COL11A1: variants seen among roughly 807,000 people sequenced by gnomAD.
COL11A1 encodes the protein collagen alpha-1(XI) chain.
Under a neutral mutation model 265.2 loss-of-function variants are expected in COL11A1, and 74 were observed. That is an observed-to-expected ratio of 0.28 (90% CI 0.23 to 0.34). COL11A1 has a LOEUF of 0.34. Among genes scored for constraint, COL11A1 ranks in the 10% least tolerant of loss-of-function variants. COL11A1 has a pLI of 1.00. For missense variants in COL11A1, 2,165 were observed against 2,263.6 expected (o/e 0.96, Z 0.88); for synonymous variants, 816 against 727.6 (o/e 1.12, Z -1.96).
intron 57 of COL11A1, among the ~76,000 whole-genome samples, chr1:102,895,725 G>A (rs1056424074): frequency 9.3e-5 from 14 of 150,442 alleles, no homozygotes; most frequent in African/African-American, 2.2e-4. Flanking sequence ...TTTAATAATC[G>A]TATCATATTT....
intron 64 of COL11A1, 73 bp from the exon 65 acceptor site, chr1:102,881,838 T>A: frequency 9.3e-7 from 1 of 1,075,194 alleles, no homozygotes. Context: ...TATATACATA[T>A]AATTCATTTT....
At chr1:102,940,250 G>T in intron 43 of COL11A1, 77 bp downstream of exon 43, 2 of 1,201,204 alleles carry the variant, frequency 1.7e-6, no homozygotes, top group Non-Finnish European at 2.5e-6. Context: ...TAATCATAAA[G>T]ATTAGAATTA....
chr1:103,001,275 C>T (rs761623755), intron 24 of COL11A1: 18 of 395,890 alleles, frequency 4.5e-5, no homozygotes, highest in Non-Finnish European at 7.6e-5. Context: ...AATTACACTT[C>T]GATAAAGCTA....
At chr1:102,944,292 C>T (rs1411536093) in intron 42 of COL11A1, among the ~76,000 whole-genome samples, 1 of 152,084 alleles carries the variant, frequency 6.6e-6, no homozygotes, top group African/African-American at 2.4e-5. Flanking sequence ...TTTTATTAAA[C>T]TTCTGAATGG....
intron 44 of COL11A1, among the ~76,000 whole-genome samples, chr1:102,936,938 A>C (rs950466572): frequency 6.6e-6 from 1 of 152,090 alleles, no homozygotes; most frequent in African/African-American, 2.4e-5. Context: ...GTGAGCTTAG[A>C]TTTTCTTCAT....
Position 103,026,129 on chromosome 1 carries a change from T to C in COL11A1, c.897+87A>G, listed in dbSNP as rs894434051. The C allele has an allele frequency of 3.8e-5, 46 of 1,207,752 alleles. No individual in the cohort carries two copies. The African/African-American group carries it at 4.8e-4, about 13-fold the overall frequency. 74.8% of individuals were successfully genotyped at this position (1,207,752 alleles called of 1,614,324 possible). ...AGAAATAAGATGAATGAAAGGTTTA[T>C]GGTAAGTTTGAGGAACAGTCAACAT... On this transcript the variant is annotated intron_variant, in intron 6 of 66. Transcript: ENST00000370096.
chr1:103,030,106 T>A (rs2101989041), intron 5 of COL11A1, among the ~76,000 whole-genome samples: 1 of 152,130 alleles, frequency 6.6e-6, no homozygotes, highest in East Asian at 1.9e-4. Context: ...AGAAAACATA[T>A]TTGGTGAATC....
chr1:102,988,467 T>C (rs1162145728), intron 29 of COL11A1, among the ~76,000 whole-genome samples: 1 of 152,194 alleles, frequency 6.6e-6, no homozygotes, highest in African/African-American at 2.4e-5. Context: ...ATAGGCCCTG[T>C]CTGGGCAGCA....
intron 1 of COL11A1, among the ~76,000 whole-genome samples, chr1:103,086,425 G>T (rs1672863268): frequency 6.6e-6 from 1 of 152,032 alleles, no homozygotes; most frequent in African/African-American, 2.4e-5. Flanking sequence ...TTGTTTGTTT[G>T]TTTGTTTTTG....
intron 43 of COL11A1, among the ~76,000 whole-genome samples, chr1:102,939,504 G>A (rs1658499504): frequency 1.3e-5 from 2 of 152,060 alleles, no homozygotes; most frequent in African/African-American, 4.8e-5. Flanking sequence ...TTTAAGATCA[G>A]CCTAGGAAGC....
At chr1:103,058,643 G>T (rs187334658) in intron 4 of COL11A1, among the ~76,000 whole-genome samples, 93 of 152,176 alleles carry the variant, frequency 6.1e-4, no homozygotes, top group Non-Finnish European at 1.0e-3. Context: ...GTTACTAAAT[G>T]ACCTAATTTC....
intron 66 of COL11A1, 102 bp downstream of exon 66, chr1:102,879,581 C>T: frequency 1.0e-6 from 1 of 963,214 alleles, no homozygotes. Flanking sequence ...TTAATAACAA[C>T]TGACGTCCAT....
At chr1:103,042,826 T>C (rs1352046097) in intron 4 of COL11A1, among the ~76,000 whole-genome samples, 1 of 151,710 alleles carries the variant, frequency 6.6e-6, no homozygotes. Flanking sequence ...GAGAGTTCTG[T>C]TTTCTGTGGG....
rs936907637 is a variant in COL11A1 at position 103,108,239 on chromosome 1, T to C, written c.-61A>G. On this transcript the variant is annotated 5_prime_UTR_variant, in exon 1 of 67. Coordinates refer to ENST00000370096, the MANE Select transcript of COL11A1 (RefSeq NM_001854.4). ...CACGAAATTGCGACTGCAGACCAAC[T>C]TCGTCCTTTCCAAGGTATCGCCAGG... The C allele has an allele frequency of 7.6e-7, 1 of 1,321,512 alleles. No homozygotes were observed. Among genetic ancestry groups the C allele is most frequent in the African/African-American group, 1.4e-5 (1 of 69,054 alleles). The allele number at this position is 1,321,512 out of a possible 1,614,324, so 81.9% of individuals were successfully genotyped here.
intron 63 of COL11A1, among the ~76,000 whole-genome samples, chr1:102,885,683 G>T (rs1312029835): frequency 6.6e-6 from 1 of 151,976 alleles, no homozygotes; most frequent in Non-Finnish European, 1.5e-5. Context: ...GATAACCACT[G>T]TAAACCTTTG....
In COL11A1 at chr1:103,108,497, G is replaced by A. The variant is rs926865431; in HGVS notation, c.-319C>T. 7.0e-6 allele frequency: 4 copies of A among 573,646 alleles called. No individual in the cohort carries two copies. The African/African-American group carries it at 7.5e-5, about 11-fold the overall frequency. 35.5% of individuals were successfully genotyped at this position (573,646 alleles called of 1,614,324 possible). A position where few individuals can be genotyped will look rare whatever the true frequency, so the allele number is the denominator to read the frequency against. ...CACCAACAAGCTGAGAGTACTGTGT[G>A]CCCCTAAAGGCTTCATGCCGTCAGT... is the stretch of plus-strand genomic sequence containing the variant. On this transcript the variant is annotated 5_prime_UTR_variant, in exon 1 of 67. Coordinates refer to ENST00000370096, the MANE Select transcript of COL11A1 (RefSeq NM_001854.4).
intron 41 of COL11A1, among the ~76,000 whole-genome samples, chr1:102,952,213 C>T (rs984069821): frequency 2.0e-5 from 3 of 152,038 alleles, no homozygotes; most frequent in Admixed American, 2.0e-4. Flanking sequence ...ATTCTCCTGC[C>T]TTAGCCTTCT....
At chr1:102,917,463 G>T (rs1223275619) in intron 49 of COL11A1, among the ~76,000 whole-genome samples, 8 of 151,752 alleles carry the variant, frequency 5.3e-5, no homozygotes, top group African/African-American at 1.9e-4. Flanking sequence ...AAAAGCACAG[G>T]CAAAAGAAAC....
intron 4 of COL11A1, among the ~76,000 whole-genome samples, chr1:103,069,996 A>G (rs1018353164): frequency 1.3e-4 from 20 of 151,766 alleles, no homozygotes; most frequent in African/African-American, 4.8e-4. Context: ...AAATAGTTTG[A>G]TAATTTTCTT....
Sources: gnomAD v4.1 joint callset for allele counts (sites outside exome capture counted in the v4.1 genomes callset) on GRCh38, gnomAD v4.1.1 for gene constraint, MANE v1.5 for transcripts, NCBI Gene and HGNC (gene_info 2026-07-23, HGNC 2026-07-21) for gene names.